Variants in FAAH2 observed in about 807,000 individuals in gnomAD.
The protein encoded by FAAH2 is fatty acid amide hydrolase 2, also known as fatty-acid amide hydrolase 2.
A neutral mutation model predicts 36.9 loss-of-function variants in FAAH2; 60 were observed. That is an observed-to-expected ratio of 1.63 (90% confidence interval 1.32 to 2.02). The LOEUF (loss-of-function observed/expected upper bound fraction) is 2.02. FAAH2 is among the 30% of genes most tolerant of loss of function. FAAH2 has a pLI of 0.00. For synonymous variants in FAAH2, 214 were observed against 143.8 expected, an observed-to-expected ratio of 1.49 and a Z score of -3.49; for missense variants, 689 against 397.5, an observed-to-expected ratio of 1.73 and a Z score of -6.23.
intron 10 of FAAH2, among the ~76,000 whole-genome samples, chrX:57,468,806 C>T (rs1253036731): frequency 9.0e-6 from 1 of 111,339 alleles, no homozygotes; most frequent in East Asian, 2.8e-4. Context: ...TCAGATTCAC[C>T]AATGTTGAAA....
the FAAH2 span, among the ~76,000 whole-genome samples, chrX:57,159,652 T>C: frequency 8.9e-6 from 1 of 111,918 alleles, no homozygotes; most frequent in Admixed American, 9.5e-5. Flanking sequence ...CTGTTGTTGG[T>C]GTATAAAAAT....
chrX:57,436,749 A>G (rs971452000), intron 8 of FAAH2, among the ~76,000 whole-genome samples: 5 of 111,598 alleles, frequency 4.5e-5, no homozygotes, highest in Non-Finnish European at 7.6e-5. Flanking sequence ...ACATTGAATC[A>G]GTAATAAATA....
Position 57,421,316 on chromosome X carries a change from C to T in FAAH2, c.997-10602C>T, listed in dbSNP as rs1303965896. On this transcript the variant is annotated intron_variant, in intron 7 of 10. Transcript: ENST00000374900. ...AAAATTATCCAGGTGTGGTGGTGTG[C>T]GCCTGTAATCCCAGCTACTCAGCTA... 1.3e-4 allele frequency among the ~76,000 whole-genome samples: 15 copies of T among 111,966 alleles called. No individual in the cohort carries two copies. The South Asian group carries it at 1.9e-3, about 14-fold the overall frequency.
chrX:57,167,566 G>A, the FAAH2 span, among the ~76,000 whole-genome samples: 1 of 111,101 alleles, frequency 9.0e-6, no homozygotes, highest in Non-Finnish European at 1.9e-5. Context: ...AATTACTTTT[G>A]ATTTTTTTTT....
rs1250454112 is a variant in FAAH2 at position 57,470,225 on chromosome X, CAGA to C, written c.1424-18529_1424-18527del. ...AAGAGCGAACACATTCAAAAGCTAGCAGAAGGAGAGAAATAACTCAGATCAGAG... is the reference window on the plus strand; with the variant it reads ...AAGAGCGAACACATTCAAAAGCTAGCAGGAGAGAAATAACTCAGATCAGAG... On this transcript the variant is annotated intron_variant, in intron 10 of 10. Transcript: ENST00000374900. 8.2e-5 allele frequency among the ~76,000 whole-genome samples: 9 copies of C among 110,266 alleles called. No homozygotes were observed. In the Admixed American group the frequency reaches 8.8e-4, roughly 11 times the overall value.
At chrX:57,243,221 G>A in the FAAH2 span, among the ~76,000 whole-genome samples, 1 of 112,178 alleles carries the variant, frequency 8.9e-6, no homozygotes, top group African/African-American at 3.2e-5. Flanking sequence ...TCTGGGCAGG[G>A]CATCTTTGAA....
intron 5 of FAAH2, among the ~76,000 whole-genome samples, chrX:57,367,934 G>A: frequency 8.9e-6 from 1 of 111,944 alleles, no homozygotes; most frequent in Non-Finnish European, 1.9e-5. Flanking sequence ...CTGCTGCACA[G>A]TGCTATCTTA....
intron 4 of FAAH2, among the ~76,000 whole-genome samples, chrX:57,341,064 G>A (rs898052187): frequency 9.0e-6 from 1 of 111,617 alleles, no homozygotes; most frequent in South Asian, 3.7e-4. Context: ...AACCTTATCA[G>A]TAATTACTTT....
At chrX:57,394,733 G>T in intron 7 of FAAH2, 1 of 871,205 alleles carries the variant, frequency 1.1e-6, no homozygotes, top group Non-Finnish European at 1.7e-6. Flanking sequence ...ACTATTGCTA[G>T]GTTTGATCCA....
the FAAH2 span, among the ~76,000 whole-genome samples, chrX:57,278,883 T>C: frequency 2.7e-5 from 3 of 112,029 alleles, no homozygotes; most frequent in Non-Finnish European, 5.6e-5. Context: ...ATTAGAGAAA[T>C]GCAAATCAAA....
intron 4 of FAAH2, among the ~76,000 whole-genome samples, chrX:57,340,091 T>C (rs2053649954): frequency 9.0e-6 from 1 of 111,615 alleles, no homozygotes; most frequent in South Asian, 3.7e-4. Context: ...AATGCAGCCT[T>C]TAATCTGTGG....
At chrX:57,343,811 C>G (rs1006466525) in intron 5 of FAAH2, among the ~76,000 whole-genome samples, 2 of 111,113 alleles carry the variant, frequency 1.8e-5, no homozygotes, top group African/African-American at 6.5e-5. Context: ...GGTAGGGATC[C>G]AGTTATATTT....
At chrX:57,450,283 C>T (rs1043446808) in intron 10 of FAAH2, among the ~76,000 whole-genome samples, 2 of 109,052 alleles carry the variant, frequency 1.8e-5, no homozygotes, top group African/African-American at 3.3e-5. Flanking sequence ...CTAATATATA[C>T]GAGATACTAG....
intron 5 of FAAH2, among the ~76,000 whole-genome samples, chrX:57,364,661 A>AT (rs1378702547): frequency 9.2e-6 from 1 of 108,426 alleles, no homozygotes; most frequent in African/African-American, 3.3e-5. Flanking sequence ...TTAATTTGAG[A>AT]TTTTTCTAAT....
At chrX:57,237,911 C>T in the FAAH2 span, among the ~76,000 whole-genome samples, 2 of 111,792 alleles carry the variant, frequency 1.8e-5, no homozygotes, top group Non-Finnish European at 3.8e-5. Flanking sequence ...CTTAATATCA[C>T]TGATCATAAG....
the FAAH2 span, among the ~76,000 whole-genome samples, chrX:57,168,523 G>T: frequency 1.8e-5 from 2 of 111,392 alleles, no homozygotes; most frequent in African/African-American, 6.5e-5. Context: ...TTCTCCTTTG[G>T]CTTAAAAGAG....
Position 57,356,288 on chromosome X carries a change from G to A in FAAH2, c.742+14898G>A, listed in dbSNP as rs767902676. 3.6e-5 allele frequency among the ~76,000 whole-genome samples: 4 copies of A among 110,455 alleles called. No homozygotes were observed. The South Asian group carries it at 1.5e-3, about 41-fold the overall frequency. ...ACACTGGCTTTGTAAAATGAGTTTGGAAATATTATATTCAATTTTTGGATG... is the reference window on the plus strand; with the variant it reads ...ACACTGGCTTTGTAAAATGAGTTTGAAAATATTATATTCAATTTTTGGATG... On this transcript the variant is annotated intron_variant, in intron 5 of 10. Coordinates refer to ENST00000374900, the MANE Select transcript of FAAH2 (RefSeq NM_174912.4).
intron 5 of FAAH2, among the ~76,000 whole-genome samples, chrX:57,366,866 C>T (rs756593944): frequency 6.2e-5 from 7 of 112,030 alleles, no homozygotes; most frequent in African/African-American, 9.7e-5. Context: ...ATGTTCTTTT[C>T]GGTTCCAACA....
chrX:57,344,035 G>A (rs751397922), intron 5 of FAAH2, among the ~76,000 whole-genome samples: 6 of 110,215 alleles, frequency 5.4e-5, no homozygotes, highest in Non-Finnish European at 1.1e-4. Flanking sequence ...GTTTTAAGTT[G>A]GGTAAAGTGA....
Sources: gnomAD v4.1 joint callset for allele counts (sites outside exome capture counted in the v4.1 genomes callset) on GRCh38, gnomAD v4.1.1 for gene constraint, MANE v1.5 for transcripts, NCBI Gene and HGNC (gene_info 2026-07-23, HGNC 2026-07-21) for gene names.